KIRREL3: variants seen among roughly 807,000 people sequenced by gnomAD.
The protein encoded by KIRREL3 is kin of IRRE-like protein 3.
In KIRREL3, 36 loss-of-function variants were observed where a neutral mutation model predicts 89.7. The ratio of observed to expected loss-of-function variants is 0.40; its 90% CI spans 0.31 to 0.53. The LOEUF (loss-of-function observed/expected upper bound fraction) is 0.53, where lower values mean the gene tolerates loss of function less well. Among genes scored for constraint, KIRREL3 ranks in the 20% least tolerant of loss-of-function variants. The pLI is 0.49. For missense variants in KIRREL3, 864 were observed against 1,056.6 expected (o/e 0.82, Z 2.53); for synonymous variants, 445 against 441.4 (o/e 1.01, Z -0.10).
rs1282120349 is a variant in KIRREL3 at position 126,612,294 on chromosome 11, G to A, written c.56-49382C>T. On this transcript the variant is annotated intron_variant, in intron 1 of 16. Coordinates refer to ENST00000525144, the MANE Select transcript of KIRREL3 (RefSeq NM_032531.4). This position sits in a 1 kb window ranked among gnomAD's most constrained non-coding sequence, Gnocchi z 4.5. ...TGGACACCCTTGGCATATAATAAAT[G>A]CTCCCTCAGAATTTGAGTATTATAT... Among the ~76,000 whole-genome samples, 2 of 151,970 alleles carry A rather than the reference G, an allele frequency of 1.3e-5. No homozygotes were observed. Among genetic ancestry groups the A allele is most frequent in the African/African-American group, 4.8e-5 (2 of 41,354 alleles).
chr11:126,800,838 G>A (rs1008969564), intron 1 of KIRREL3, among the ~76,000 whole-genome samples: 13 of 152,282 alleles, frequency 8.5e-5, no homozygotes, highest in African/African-American at 2.9e-4. Flanking sequence ...ACTTTTCAGC[G>A]GATTTAGCTG....
intron 1 of KIRREL3, among the ~76,000 whole-genome samples, chr11:126,582,981 G>T (rs1413663781): frequency 6.6e-6 from 1 of 152,220 alleles, no homozygotes; most frequent in Non-Finnish European, 1.5e-5. Context: ...GCAGAGCACA[G>T]CAGAAATGCT....
rs563596122 is a variant in KIRREL3, at chr11:126,610,509, C to T, written c.56-47597G>A. ...TAGACTAACCTGGCCCAGCCTGCAA[C>T]CTCATGGGAATGTGGGATAATGAGA... is the stretch of plus-strand genomic sequence containing the variant. On this transcript the variant is annotated intron_variant, in intron 1 of 16. Transcript: ENST00000525144. The surrounding 1 kb of genome is among the most constrained non-coding windows in gnomAD (Gnocchi z 4.6). 3.9e-5 allele frequency among the ~76,000 whole-genome samples: 6 copies of T among 152,316 alleles called. No individual in the cohort carries two copies. The East Asian group carries it at 1.2e-3, about 29-fold the overall frequency.
chr11:126,851,533 C>T (rs570565691), intron 1 of KIRREL3, among the ~76,000 whole-genome samples: 6 of 152,174 alleles, frequency 3.9e-5, no homozygotes, highest in Non-Finnish European at 5.9e-5. Flanking sequence ...ATTATCTACT[C>T]CCCGACTCTT....
chr11:126,816,132 A>G (rs1051232817), intron 1 of KIRREL3, among the ~76,000 whole-genome samples: 1 of 152,270 alleles, frequency 6.6e-6, no homozygotes, highest in Non-Finnish European at 1.5e-5. Flanking sequence ...CATATACTGT[A>G]TAAAGATAAT....
In KIRREL3 at chr11:126,736,424, C is replaced by T. The variant is rs1416614245; in HGVS notation, c.56-173512G>A. The stretch of plus-strand genomic sequence containing the variant: ...ATGAGAGGTCCCCGTGACATTTCAA[C>T]CCAAGCTGTTTTTGGTGTTCATATC... On this transcript the variant is annotated intron_variant, in intron 1 of 16. Coordinates refer to ENST00000525144, the MANE Select transcript of KIRREL3 (RefSeq NM_032531.4). The surrounding 1 kb of genome is among the most constrained non-coding windows in gnomAD (Gnocchi z 5.0). Among the ~76,000 whole-genome samples the T allele has an allele frequency of 6.6e-6, 1 of 152,166 alleles. No homozygotes were observed. Among genetic ancestry groups the T allele is most frequent in the Non-Finnish European group, 1.5e-5 (1 of 68,038 alleles).
intron 2 of KIRREL3, among the ~76,000 whole-genome samples, chr11:126,545,167 G>T (rs1320533273): frequency 6.6e-6 from 1 of 152,148 alleles, no homozygotes; most frequent in Admixed American, 6.5e-5. Context: ...GGGGCGGCAG[G>T]TTTAAAACAA....
chr11:126,487,789 G>C (rs949580379), intron 4 of KIRREL3, among the ~76,000 whole-genome samples: 1 of 152,356 alleles, frequency 6.6e-6, no homozygotes, highest in Admixed American at 6.5e-5. Flanking sequence ...ACCCTGTGGG[G>C]ACAGTCACTG....
intron 1 of KIRREL3, among the ~76,000 whole-genome samples, chr11:126,840,518 C>A (rs1943927976): frequency 6.6e-6 from 1 of 152,164 alleles, no homozygotes; most frequent in Non-Finnish European, 1.5e-5. Flanking sequence ...TTCCCACCTA[C>A]ACATATTAGT....
Position 126,496,740 on chromosome 11 carries a change from G to A in KIRREL3, c.434-23274C>T, listed in dbSNP as rs565767600. Reference sequence around the variant, plus strand: ...CGCTCAGAAATGTTGGAGGGCCTGCGTGCGAACTCAAGGCCTGAGGCTGTA... The same window carrying A: ...CGCTCAGAAATGTTGGAGGGCCTGCATGCGAACTCAAGGCCTGAGGCTGTA... On this transcript the variant is annotated intron_variant, in intron 4 of 16. Transcript: ENST00000525144. The surrounding 1 kb of genome is among the most constrained non-coding windows in gnomAD (Gnocchi z 4.9). 2.6e-5 allele frequency among the ~76,000 whole-genome samples: 4 copies of A among 152,048 alleles called. No homozygotes were observed. Among genetic ancestry groups the A allele is most frequent in the South Asian group, 4.1e-4 (2 of 4,830 alleles).
chr11:126,866,563 G>A (rs957550645), intron 1 of KIRREL3, among the ~76,000 whole-genome samples: 12 of 147,412 alleles, frequency 8.1e-5, no homozygotes, highest in African/African-American at 2.3e-4. Context: ...CTGTGCCCAC[G>A]GGCCTAAGTG....
At chr11:126,425,581 A>G (rs970942520) in intron 16 of KIRREL3, 57 bp downstream of exon 16, 43 of 1,405,084 alleles carry the variant, frequency 3.1e-5, no homozygotes, top group Non-Finnish European at 4.0e-5. Context: ...GGTTTGGGCC[A>G]TCAGAGCTAA....
At chr11:126,458,944 A>G (rs1349957159) in intron 6 of KIRREL3, among the ~76,000 whole-genome samples, 1 of 152,118 alleles carries the variant, frequency 6.6e-6, no homozygotes, top group Non-Finnish European at 1.5e-5. Flanking sequence ...CTTTCCATGC[A>G]GGGCTGGCTG....
chr11:126,988,547 C>G (rs999561742), intron 1 of KIRREL3: 1 of 152,678 alleles, frequency 6.5e-6, no homozygotes, highest in Non-Finnish European at 1.5e-5. Flanking sequence ...ACAGCCGTGT[C>G]GAGGGCACAG....
rs1383429661 is a variant in KIRREL3 at position 126,669,015 on chromosome 11, T to C, written c.56-106103A>G. Reference sequence around the variant, plus strand: ...AGTGACTCCTGAAGTTTTATTCACCTGTTAGGGCTTTCCATCCCAATTTTC... The same window carrying C: ...AGTGACTCCTGAAGTTTTATTCACCCGTTAGGGCTTTCCATCCCAATTTTC... On this transcript the variant is annotated intron_variant, in intron 1 of 16. Coordinates refer to ENST00000525144, the MANE Select transcript of KIRREL3 (RefSeq NM_032531.4). The surrounding 1 kb of genome is among the most constrained non-coding windows in gnomAD (Gnocchi z 5.0). 6.6e-6 allele frequency among the ~76,000 whole-genome samples: 1 copy of C among 152,160 alleles called. No individual in the cohort carries two copies. The highest frequency in any genetic ancestry group is 6.5e-5 in the Admixed American group (1 of 15,268).
chr11:126,634,944 A>G (rs141739322), intron 1 of KIRREL3, among the ~76,000 whole-genome samples: 82 of 152,314 alleles, frequency 5.4e-4, no homozygotes, highest in African/African-American at 1.9e-3. Flanking sequence ...CCCAGGGAAG[A>G]AAGCAGCACA....
chr11:126,552,956 A>T (rs1452093563), intron 2 of KIRREL3, among the ~76,000 whole-genome samples: 2 of 152,180 alleles, frequency 1.3e-5, no homozygotes, highest in Admixed American at 6.5e-5. Flanking sequence ...TTGCATAGTT[A>T]TCTAGCATCC....
At chr11:126,593,537 G>C (rs1257696431) in intron 1 of KIRREL3, among the ~76,000 whole-genome samples, 1 of 152,170 alleles carries the variant, frequency 6.6e-6, no homozygotes, top group African/African-American at 2.4e-5. Flanking sequence ...ATGAACACCC[G>C]GCTGGACCTG....
chr11:126,735,022 G>A (rs896933720), intron 1 of KIRREL3, among the ~76,000 whole-genome samples: 11 of 152,154 alleles, frequency 7.2e-5, no homozygotes, highest in Non-Finnish European at 1.0e-4. Context: ...ATAACGGGGC[G>A]TTTACCCATC....
Sources: gnomAD v4.1 joint callset for allele counts (sites outside exome capture counted in the v4.1 genomes callset) on GRCh38, gnomAD v4.1.1 for gene constraint, Gnocchi (gnomAD v3.1) non-coding constraint, MANE v1.5 for transcripts, NCBI Gene and HGNC (gene_info 2026-07-23, HGNC 2026-07-21) for gene names.